TBC1D22A: variants seen among roughly 807,000 people sequenced by gnomAD.
TBC1D22A encodes the protein TBC1 domain family member 22A.
A neutral mutation model predicts 60.2 loss-of-function variants in TBC1D22A; 38 were observed. The observed-to-expected ratio is 0.63, with a 90% CI of 0.49 to 0.83. The LOEUF is 0.83. TBC1D22A is among the 40% of genes least tolerant of loss of function. The pLI, the probability that TBC1D22A is intolerant of heterozygous loss-of-function variation, is 0.00. For synonymous variants in TBC1D22A, 302 were observed against 281.7 expected, an observed-to-expected ratio of 1.07 and a Z score of -0.72; for missense variants, 628 against 701.0, an observed-to-expected ratio of 0.90 and a Z score of 1.18.
At chr22:46,837,525 G>C (rs373467016) in intron 4 of TBC1D22A, among the ~76,000 whole-genome samples, 1 of 152,174 alleles carries the variant, frequency 6.6e-6, no homozygotes, top group African/African-American at 2.4e-5. Context: ...AATTTAAGAG[G>C]ATTGAAATAA....
At chr22:47,066,067 G>A (rs1038628902) in intron 11 of TBC1D22A, among the ~76,000 whole-genome samples, 3 of 152,202 alleles carry the variant, frequency 2.0e-5, no homozygotes, top group Admixed American at 6.5e-5. Context: ...CACATTTATC[G>A]AGGATCGTTA....
chr22:46,907,618 C>T (rs1204434522), intron 7 of TBC1D22A, among the ~76,000 whole-genome samples: 1 of 152,204 alleles, frequency 6.6e-6, no homozygotes, highest in Non-Finnish European at 1.5e-5. Context: ...CCATCCTCGC[C>T]TCCACCATCT....
intron 4 of TBC1D22A, among the ~76,000 whole-genome samples, chr22:46,823,812 C>T (rs545548298): frequency 7.2e-5 from 11 of 152,324 alleles, no homozygotes; most frequent in East Asian, 3.9e-4. Context: ...TGCCACATGC[C>T]GTCACAGGAG....
intron 1 of TBC1D22A, among the ~76,000 whole-genome samples, chr22:46,781,921 A>G (rs1464729134): frequency 6.6e-6 from 1 of 152,154 alleles, no homozygotes; most frequent in Non-Finnish European, 1.5e-5. Context: ...GCTCACTACT[A>G]ACCAGTTAGT....
At chr22:46,889,039 T>C (rs1385882468) in intron 5 of TBC1D22A, among the ~76,000 whole-genome samples, 1 of 152,154 alleles carries the variant, frequency 6.6e-6, no homozygotes, top group Non-Finnish European at 1.5e-5. Context: ...GGAACACTAA[T>C]TATAAAAGAA....
At chr22:47,079,081 AGAC>A (rs1363509580) in intron 11 of TBC1D22A, among the ~76,000 whole-genome samples, 8 of 135,954 alleles carry the variant, frequency 5.9e-5, no homozygotes, top group Admixed American at 1.6e-4. Flanking sequence ...AATGTAGAGC[AGAC>A]TTTTTTTTTT....
chr22:47,075,901 C>G (rs978462554), intron 11 of TBC1D22A, among the ~76,000 whole-genome samples: 2 of 152,030 alleles, frequency 1.3e-5, no homozygotes, highest in Non-Finnish European at 2.9e-5. Context: ...AATAGCTACA[C>G]TGATATCAGA....
intron 1 of TBC1D22A, among the ~76,000 whole-genome samples, chr22:46,768,446 C>G (rs915534623): frequency 3.4e-5 from 5 of 149,002 alleles, no homozygotes; most frequent in Admixed American, 6.7e-5. Context: ...GGTCGCGCCA[C>G]CGCCCCGCAG....
intron 4 of TBC1D22A, among the ~76,000 whole-genome samples, chr22:46,871,798 C>T (rs748805424): frequency 3.6e-4 from 54 of 151,852 alleles, no homozygotes; most frequent in African/African-American, 1.2e-3. Flanking sequence ...GAACAAAAAC[C>T]GAGTAAAAGA....
chr22:46,805,513 G>A (rs977169905), intron 4 of TBC1D22A, among the ~76,000 whole-genome samples: 5 of 152,200 alleles, frequency 3.3e-5, no homozygotes, highest in Admixed American at 3.3e-4. Context: ...CTTCCTCACA[G>A]CTCTAAAGGG....
At chr22:46,781,888 A>G (rs560574505) in intron 1 of TBC1D22A, among the ~76,000 whole-genome samples, 1 of 152,168 alleles carries the variant, frequency 6.6e-6, no homozygotes, top group African/African-American at 2.4e-5. Flanking sequence ...TGACCAGAAC[A>G]CCCAACTAAT....
intron 4 of TBC1D22A, among the ~76,000 whole-genome samples, chr22:46,860,569 C>T (rs888526848): frequency 3.4e-5 from 5 of 145,978 alleles, no homozygotes; most frequent in Admixed American, 6.8e-5. Flanking sequence ...GATAGAGGTC[C>T]GCGCAGTGCT....
chr22:46,839,517 A>C (rs2086661443), intron 4 of TBC1D22A, among the ~76,000 whole-genome samples: 1 of 127,582 alleles, frequency 7.8e-6, no homozygotes, highest in African/African-American at 3.0e-5. Flanking sequence ...AAATGTCCAC[A>C]CTATGTAAAG....
chr22:46,950,357 A>G (rs923910624), intron 8 of TBC1D22A, among the ~76,000 whole-genome samples: 7 of 152,102 alleles, frequency 4.6e-5, no homozygotes, highest in Admixed American at 1.3e-4. Flanking sequence ...TTAGTCTTGG[A>G]TGGGTGCCGT....
chr22:46,864,236 C>T (rs778987273), intron 4 of TBC1D22A, among the ~76,000 whole-genome samples: 8 of 152,198 alleles, frequency 5.3e-5, no homozygotes, highest in East Asian at 1.9e-4. Context: ...TTAAGGGTCA[C>T]GAAGCCTAGA....
rs925904204 is a variant in TBC1D22A, at chr22:46,797,740, C to T, written c.637+120C>T. The T allele has an allele frequency of 2.8e-6, 3 of 1,080,060 alleles. No individual in the cohort carries two copies. In the African/African-American group the frequency reaches 4.9e-5, roughly 18 times the overall value. The allele number at this position is 1,080,060 out of a possible 1,614,324, so 66.9% of individuals were successfully genotyped here. ...TGCACACGCGTCCGTGTGTAATTTG[C>T]CTTGCAGGAAGGTGATGTTTTCATG... On this transcript the variant is annotated intron_variant, in intron 4 of 12. Coordinates refer to ENST00000337137, the MANE Select transcript of TBC1D22A (RefSeq NM_014346.5).
chr22:46,768,623 A>C (rs1012678412), intron 1 of TBC1D22A, among the ~76,000 whole-genome samples: 1 of 152,038 alleles, frequency 6.6e-6, no homozygotes, highest in African/African-American at 2.4e-5. Context: ...AATTCTCGCC[A>C]CACTTCACTT....
chr22:46,901,360 G>A (rs2068982903), intron 7 of TBC1D22A, among the ~76,000 whole-genome samples: 1 of 152,228 alleles, frequency 6.6e-6, no homozygotes, highest in African/African-American at 2.4e-5. Flanking sequence ...TCTGGTAATA[G>A]TGATGTGATC....
chr22:47,066,670 G>T (rs1299805748), intron 11 of TBC1D22A, among the ~76,000 whole-genome samples: 2 of 152,178 alleles, frequency 1.3e-5, no homozygotes, highest in African/African-American at 4.8e-5. Flanking sequence ...ACCTTGGCAC[G>T]CAGCAGCTCG....
Sources: allele counts gnomAD v4.1 joint callset (sites outside exome capture counted in the v4.1 genomes callset), GRCh38; gene constraint gnomAD v4.1.1; transcripts MANE v1.5; gene names NCBI Gene and HGNC (gene_info 2026-07-23, HGNC 2026-07-21).